The following OPCML variants were observed in gnomAD, a reference collection of about 807,000 sequenced individuals.
OPCML encodes opioid-binding protein/cell adhesion molecule.
Under a neutral mutation model 37.8 loss-of-function variants are expected in OPCML, and 13 were observed. The observed-to-expected ratio is 0.34, with a 90% CI of 0.22 to 0.55. The LOEUF is 0.55. OPCML is among the 20% of genes least tolerant of loss of function. The probability of loss-of-function intolerance (pLI) is 0.91; values close to 1 mark genes in which losing one functional copy is unlikely to be tolerated. For synonymous variants in OPCML, 176 were observed against 168.8 expected (o/e 1.04, Z -0.33); for missense variants, 341 against 435.6 (o/e 0.78, Z 1.93).
intron 1 of OPCML, among the ~76,000 whole-genome samples, chr11:133,060,411 T>C (rs1256578707): frequency 6.6e-6 from 1 of 152,242 alleles, no homozygotes; most frequent in East Asian, 1.9e-4. Context: ...AGCCGCATGC[T>C]GTTACATATA....
intron 2 of OPCML, among the ~76,000 whole-genome samples, chr11:132,675,902 A>G (rs961488159): frequency 6.6e-6 from 1 of 152,154 alleles, no homozygotes; most frequent in Non-Finnish European, 1.5e-5. Flanking sequence ...GTCTTTATCA[A>G]CATTTCAGCT....
At chr11:132,621,176 T>A (rs1389226901) in intron 3 of OPCML, among the ~76,000 whole-genome samples, 1 of 152,222 alleles carries the variant, frequency 6.6e-6, no homozygotes, top group Non-Finnish European at 1.5e-5. Flanking sequence ...TTGCTGAGGA[T>A]GCATCTTAAG....
chr11:133,132,783 C>G (rs1949626112), intron 1 of OPCML, among the ~76,000 whole-genome samples: 1 of 150,422 alleles, frequency 6.6e-6, no homozygotes, highest in African/African-American at 2.5e-5. Context: ...ATTCTATTTA[C>G]ACAAAAAATA....
intron 1 of OPCML, among the ~76,000 whole-genome samples, chr11:133,394,212 A>C (rs558478041): frequency 6.6e-6 from 1 of 152,214 alleles, no homozygotes; most frequent in Non-Finnish European, 1.5e-5. Flanking sequence ...ATAGTTGCCA[A>C]ATTATGTTAA....
At chr11:132,925,560 G>A (rs1205465881) in intron 2 of OPCML, among the ~76,000 whole-genome samples, 1 of 152,128 alleles carries the variant, frequency 6.6e-6, no homozygotes, top group East Asian at 1.9e-4. Flanking sequence ...GACTCCGCAA[G>A]GACTTATTCA....
intron 3 of OPCML, among the ~76,000 whole-genome samples, chr11:132,568,198 T>C (rs1189698211): frequency 6.6e-6 from 1 of 152,080 alleles, no homozygotes; most frequent in African/African-American, 2.4e-5. Flanking sequence ...CGTAATTTCA[T>C]CACCAGAAGC....
intron 1 of OPCML, chr11:133,066,298 T>A (rs2137000438): frequency 6.6e-6 from 1 of 152,332 alleles, no homozygotes; most frequent in East Asian, 1.9e-4. Context: ...GAAACATTAC[T>A]TCACCTCTCA....
chr11:133,107,300 T>A (rs1949174845), intron 1 of OPCML, among the ~76,000 whole-genome samples: 1 of 152,220 alleles, frequency 6.6e-6, no homozygotes, highest in Admixed American at 6.5e-5. Context: ...GACATCTATC[T>A]GCATTTAAAG....
intron 1 of OPCML, among the ~76,000 whole-genome samples, chr11:133,493,572 G>T (rs1947713225): frequency 6.6e-6 from 1 of 151,716 alleles, no homozygotes; most frequent in South Asian, 2.1e-4. Flanking sequence ...ACTGCATAAA[G>T]GCAGTATAAC....
At chr11:132,924,805 T>A (rs1281012122) in intron 2 of OPCML, among the ~76,000 whole-genome samples, 1 of 152,342 alleles carries the variant, frequency 6.6e-6, no homozygotes, top group South Asian at 2.1e-4. Context: ...TGTGGTTTGG[T>A]GTCCGGCATT....
chr11:132,739,245 T>G (rs1945360988), intron 2 of OPCML, among the ~76,000 whole-genome samples: 1 of 152,214 alleles, frequency 6.6e-6, no homozygotes, highest in Non-Finnish European at 1.5e-5. Flanking sequence ...TGTTAAGATG[T>G]TATAGAAGCT....
At chr11:132,805,312 T>C (rs1175733410) in intron 2 of OPCML, among the ~76,000 whole-genome samples, 1 of 152,208 alleles carries the variant, frequency 6.6e-6, no homozygotes, top group Admixed American at 6.5e-5. Flanking sequence ...TACAGAATGC[T>C]ATTAAATGAT....
At chr11:132,515,898 G>A (rs2096278642) in intron 4 of OPCML, among the ~76,000 whole-genome samples, 1 of 152,138 alleles carries the variant, frequency 6.6e-6, no homozygotes, top group Non-Finnish European at 1.5e-5. Flanking sequence ...AGACAGGGAA[G>A]GTCAAAATTC....
chr11:133,092,550 C>A (rs890663497), intron 1 of OPCML, among the ~76,000 whole-genome samples: 2 of 151,882 alleles, frequency 1.3e-5, no homozygotes, highest in Admixed American at 1.3e-4. Context: ...TATGGTGAAA[C>A]CCCTGTCTCT....
At chr11:132,469,416 T>C (rs2096128770) in intron 4 of OPCML, among the ~76,000 whole-genome samples, 1 of 150,958 alleles carries the variant, frequency 6.6e-6, no homozygotes, top group African/African-American at 2.4e-5. Context: ...TGGGGGTGCG[T>C]GTGTATGTGT....
At chr11:133,119,813 G>T (rs757042032) in intron 1 of OPCML, among the ~76,000 whole-genome samples, 13 of 152,194 alleles carry the variant, frequency 8.5e-5, no homozygotes, top group Non-Finnish European at 1.5e-4. Flanking sequence ...TGAGTTCCAT[G>T]TTCACGTCGC....
chr11:132,897,274 G>A (rs949106288), intron 2 of OPCML, among the ~76,000 whole-genome samples: 2 of 152,204 alleles, frequency 1.3e-5, no homozygotes, highest in African/African-American at 4.8e-5. Flanking sequence ...TTTTGAGAGA[G>A]CTCTTGGCCA....
intron 2 of OPCML, among the ~76,000 whole-genome samples, chr11:132,866,058 C>G (rs775924389): frequency 6.6e-6 from 1 of 151,890 alleles, no homozygotes; most frequent in East Asian, 1.9e-4. Flanking sequence ...CCATCCTTCT[C>G]TCTTCTCCTC....
At chr11:133,041,856 C>T (rs372698495) in intron 1 of OPCML, among the ~76,000 whole-genome samples, 1 of 152,168 alleles carries the variant, frequency 6.6e-6, no homozygotes, top group African/African-American at 2.4e-5. Flanking sequence ...AGAACAGCAA[C>T]CTTTCTGGTC....
Sources: allele counts gnomAD v4.1 joint callset (sites outside exome capture counted in the v4.1 genomes callset), GRCh38; gene constraint gnomAD v4.1.1; transcripts MANE v1.5; gene names NCBI Gene and HGNC (gene_info 2026-07-23, HGNC 2026-07-21).